The following RELL1 variants were observed in gnomAD, a reference collection of about 807,000 sequenced individuals.
The protein encoded by RELL1 is RELT-like protein 1.
RELL1 carries 10 observed loss-of-function variants against 23.0 expected under a neutral mutation model. That is an observed-to-expected ratio of 0.43 (90% CI 0.27 to 0.74). The LOEUF (loss-of-function observed/expected upper bound fraction) is 0.74, where lower values mean the gene tolerates loss of function less well. Ranked by LOEUF, RELL1 falls within the 30% of genes least tolerant of loss-of-function variation. The probability of loss-of-function intolerance (pLI) is 0.19; values close to 1 mark genes in which losing one functional copy is unlikely to be tolerated. For missense variants in RELL1, 315 were observed against 364.4 expected (o/e 0.86, Z 1.10); for synonymous variants, 146 against 146.8 (o/e 0.99, Z 0.04).
intron 3 of RELL1, among the ~76,000 whole-genome samples, chr4:37,643,189 C>T (rs1244442952): frequency 2.6e-5 from 4 of 152,054 alleles, no homozygotes; most frequent in Admixed American, 6.6e-5. Context: ...TTGCAGGGTT[C>T]GGGGATTTGG....
At chr4:37,664,366 C>T (rs1721457028) in intron 1 of RELL1, among the ~76,000 whole-genome samples, 1 of 138,032 alleles carries the variant, frequency 7.2e-6, no homozygotes, top group South Asian at 2.4e-4. Context: ...GAGTGAGACT[C>T]CATCTCAAAA....
Position 37,628,353 on chromosome 4 carries a change from G to T in RELL1, c.*3+3032C>A, listed in dbSNP as rs73807862. Reference sequence around the variant, plus strand: ...GCTTAAGACCTTCATCTGCAAAATGGGGTACTAGCACCTATAGACTGCCGT... The same window carrying T: ...GCTTAAGACCTTCATCTGCAAAATGTGGTACTAGCACCTATAGACTGCCGT... On this transcript the variant is annotated intron_variant, in intron 6 of 6. Coordinates refer to ENST00000454158, the MANE Select transcript of RELL1 (RefSeq NM_001085400.2). 3.1e-3 allele frequency among the ~76,000 whole-genome samples: 464 copies of T among 151,934 alleles called. 4 individuals carry two copies. The highest frequency in any genetic ancestry group is 0.011 in the African/African-American group (456 of 41,306).
At chr4:37,667,071 C>T (rs972700738) in intron 1 of RELL1, among the ~76,000 whole-genome samples, 1 of 152,044 alleles carries the variant, frequency 6.6e-6, no homozygotes, top group Non-Finnish European at 1.5e-5. Context: ...AAGGTCACTT[C>T]AGAAAAGGCA....
At chr4:37,615,827 T>C (rs76520883) in intron 6 of RELL1, among the ~76,000 whole-genome samples, 2,748 of 152,332 alleles carry the variant, frequency 0.018, 98 homozygotes, top group African/African-American at 0.063. Flanking sequence ...GAAGAGGTTG[T>C]CTTTTTCTTT....
At chr4:37,660,592 A>G (rs920886579) in intron 1 of RELL1, among the ~76,000 whole-genome samples, 1 of 152,178 alleles carries the variant, frequency 6.6e-6, no homozygotes, top group East Asian at 1.9e-4. Flanking sequence ...AGCCATTCTT[A>G]ATCTTGATTT....
chr4:37,664,559 A>G (rs1721466254), intron 1 of RELL1, among the ~76,000 whole-genome samples: 1 of 152,168 alleles, frequency 6.6e-6, no homozygotes, highest in South Asian at 2.1e-4. Flanking sequence ...TAGCAATGTT[A>G]ATTACATGGC....
chr4:37,621,272 T>C (rs1288101359), intron 6 of RELL1, among the ~76,000 whole-genome samples: 2 of 151,880 alleles, frequency 1.3e-5, no homozygotes, highest in Non-Finnish European at 2.9e-5. Context: ...CTGGCTAGTA[T>C]AGCAAAACCT....
intron 1 of RELL1, among the ~76,000 whole-genome samples, chr4:37,680,392 C>T (rs1000254207): frequency 6.6e-6 from 1 of 152,162 alleles, no homozygotes; most frequent in Non-Finnish European, 1.5e-5. Flanking sequence ...AAGTTTCATG[C>T]ACAGAGGCAT....
intron 1 of RELL1, among the ~76,000 whole-genome samples, chr4:37,683,881 AC>A (rs1722308946): frequency 6.6e-6 from 1 of 151,684 alleles, no homozygotes; most frequent in African/African-American, 2.4e-5. Flanking sequence ...GGAGATGGAG[AC>A]CATCCTGGCT....
intron 1 of RELL1, among the ~76,000 whole-genome samples, chr4:37,667,824 T>G (rs1285828927): frequency 6.6e-6 from 1 of 152,176 alleles, no homozygotes; most frequent in Non-Finnish European, 1.5e-5. Context: ...GATCTACATA[T>G]AACACTGATG....
intron 1 of RELL1, among the ~76,000 whole-genome samples, chr4:37,682,895 C>G (rs1307542833): frequency 6.6e-6 from 1 of 152,156 alleles, no homozygotes; most frequent in Admixed American, 6.5e-5. Flanking sequence ...AGGGCTATGC[C>G]CACTGTCTGA....
At chr4:37,588,795 T>C, downstream of RELL1, 2 of 1,305,754 alleles carry the variant, frequency 1.5e-6, no homozygotes, top group South Asian at 1.2e-5. Context: ...ACTTAATTCC[T>C]ACTAATATAT....
chr4:37,642,953 A>G (rs1045541502), intron 3 of RELL1, among the ~76,000 whole-genome samples: 2 of 152,194 alleles, frequency 1.3e-5, no homozygotes, highest in African/African-American at 4.8e-5. Flanking sequence ...CATCTCTTCT[A>G]TTTTGTTGTT....
chr4:37,618,084 G>A (rs188532901), intron 6 of RELL1, among the ~76,000 whole-genome samples: 528 of 152,268 alleles, frequency 3.5e-3, no homozygotes, highest in Non-Finnish European at 6.2e-3. Context: ...CAGCTTCGAC[G>A]CAAGAAAAAC....
chr4:37,649,040 AATAACTT>A (rs1720801634), intron 2 of RELL1, among the ~76,000 whole-genome samples: 1 of 152,256 alleles, frequency 6.6e-6, no homozygotes, highest in Admixed American at 6.5e-5. Flanking sequence ...CAGAGCACAC[AATAACTT>A]GTCTAAGGCC....
chr4:37,661,682 A>AT (rs924534710), intron 1 of RELL1, among the ~76,000 whole-genome samples: 3 of 152,224 alleles, frequency 2.0e-5, no homozygotes, highest in Non-Finnish European at 2.9e-5. Flanking sequence ...AATTATTCCT[A>AT]TTTGGTTACA....
chr4:37,686,135 GCTTCCTTC>G, intron 1 of RELL1, 57 bp downstream of exon 1: 1 of 1,396,884 alleles, frequency 7.2e-7, no homozygotes, highest in Non-Finnish European at 9.7e-7. Context: ...CCGACCCCTC[GCTTCCTTC>G]CGCGCTCCCG....
At chr4:37,670,774 A>G (rs554435465) in intron 1 of RELL1, among the ~76,000 whole-genome samples, 6 of 152,160 alleles carry the variant, frequency 3.9e-5, no homozygotes, top group African/African-American at 1.4e-4. Flanking sequence ...GGGTTTCACC[A>G]TGTTGGCCAA....
chr4:37,605,099 AGAAGAAAGTT>A (rs1719155259), intron 6 of RELL1, among the ~76,000 whole-genome samples: 1 of 152,256 alleles, frequency 6.6e-6, no homozygotes, highest in African/African-American at 2.4e-5. Context: ...TCACTGTTGG[AGAAGAAAGTT>A]ACAAATAAGG....
Sources: allele counts gnomAD v4.1 joint callset (sites outside exome capture counted in the v4.1 genomes callset), GRCh38; gene constraint gnomAD v4.1.1; transcripts MANE v1.5; gene names NCBI Gene and HGNC (gene_info 2026-07-23, HGNC 2026-07-21).